GYS1: variants seen among roughly 807,000 people sequenced by gnomAD.
GYS1 encodes glycogen [starch] synthase, muscle.
Under a neutral mutation model 89.1 loss-of-function variants are expected in GYS1, and 60 were observed. The observed-to-expected ratio is 0.67, with a 90% confidence interval of 0.55 to 0.84. GYS1 has a LOEUF of 0.84. GYS1 is among the 40% of genes least tolerant of loss of function. The pLI is 0.00. For synonymous variants in GYS1, 366 were observed against 401.7 expected (o/e 0.91, Z 1.06); for missense variants, 888 against 1,003.1 (o/e 0.89, Z 1.55).
chr19:48,970,529 G>T lies in GYS1; in HGVS notation c.1809+17C>A. 1 of 1,611,764 alleles carries T rather than the reference G, an allele frequency of 6.2e-7. No homozygotes were observed. Among genetic ancestry groups the T allele is most frequent in the South Asian group, 1.1e-5 (1 of 90,970 alleles). ...CTGCTGATTTGCCAGGAGAGGATAG[G>T]AAAGTGGGGGTCCTACCCGGCCTAG... is the stretch of plus-strand genomic sequence containing the variant. On this transcript the variant is annotated intron_variant, in intron 14 of 15. Transcript: ENST00000323798.
chr19:48,990,125 C>T (rs1377261419), intron 2 of GYS1, among the ~76,000 whole-genome samples: 2 of 152,100 alleles, frequency 1.3e-5, no homozygotes, highest in African/African-American at 4.8e-5. Flanking sequence ...GACCCCACCC[C>T]AAACCAGAGG....
At chr19:48,970,338 C>T (rs2038542383) in intron 14 of GYS1, 2 of 578,438 alleles carry the variant, frequency 3.5e-6, no homozygotes, top group African/African-American at 1.9e-5. Context: ...AGGCTGGTCT[C>T]TTAACTCCTG....
intron 10 of GYS1, among the ~76,000 whole-genome samples, chr19:48,976,098 T>G (rs2122483557): frequency 6.6e-6 from 1 of 152,074 alleles, no homozygotes; most frequent in African/African-American, 2.4e-5. Context: ...TTAAAGATTT[T>G]ACTTACCACC....
At chr19:48,990,516 T>C (rs1259854675) in intron 2 of GYS1, among the ~76,000 whole-genome samples, 1 of 152,148 alleles carries the variant, frequency 6.6e-6, no homozygotes, top group Non-Finnish European at 1.5e-5. Flanking sequence ...CCTGTCCCCC[T>C]CACTCTCCAA....
intron 12 of GYS1, among the ~76,000 whole-genome samples, chr19:48,973,710 G>T (rs1169270065): frequency 6.6e-6 from 1 of 151,844 alleles, no homozygotes; most frequent in African/African-American, 2.4e-5. Context: ...GTAGAGACAG[G>T]GTTTCACTAT....
rs756998086 is a variant in GYS1, at chr19:48,981,622, C to T, written c.1077G>A (p.Glu359=). The T allele has an allele frequency of 1.2e-5, 19 of 1,610,488 alleles. No individual in the cohort carries two copies. In the Admixed American group the frequency reaches 2.2e-4, roughly 18 times the overall value. ...LNYLLRVNGS[E]QTVVAFFIMP... is the part of the protein sequence containing the mutation. ...TGATGAAGAAGGCAACCACTGTCTG[C>T]TCGCTGCCGTTCACCTGCGCAGAAA... The change falls in exon 8 of 16, where the codon GAG becomes GAA. Residue 359 remains glutamate (E), a synonymous_variant. Coordinates refer to ENST00000323798, the MANE Select transcript of GYS1 (RefSeq NM_002103.5).
Position 48,974,195 on chromosome 19 carries a change from C to T in GYS1, c.1549+18G>A. The T allele has an allele frequency of 6.3e-7, 1 of 1,585,238 alleles. No individual in the cohort carries two copies. The highest frequency in any genetic ancestry group is 8.6e-7 in the Non-Finnish European group (1 of 1,165,024). On this transcript the variant is annotated intron_variant, in intron 12 of 15. Transcript: ENST00000323798. ...CTAGGATGCCATGACCACGCTGTCCCCTGCCCACTACACTCACCCGGTGTG... is the reference window on the plus strand; with the variant it reads ...CTAGGATGCCATGACCACGCTGTCCTCTGCCCACTACACTCACCCGGTGTG...
At chr19:48,987,019 A>G (rs2038852366) in intron 3 of GYS1, among the ~76,000 whole-genome samples, 175 bp downstream of exon 3, 1 of 152,224 alleles carries the variant, frequency 6.6e-6, no homozygotes, top group African/African-American at 2.4e-5. Flanking sequence ...TGAAGTTGGC[A>G]TCGAGAGTAG....
chr19:48,984,029 G>A (rs935840755), intron 5 of GYS1, among the ~76,000 whole-genome samples: 8 of 152,120 alleles, frequency 5.3e-5, no homozygotes, highest in Admixed American at 2.6e-4. Flanking sequence ...ACAGAGTTTC[G>A]CTCTTGTTGC....
At chr19:48,972,402 G>T (rs1028863552) in intron 12 of GYS1, among the ~76,000 whole-genome samples, 2 of 151,266 alleles carry the variant, frequency 1.3e-5, no homozygotes, top group African/African-American at 4.9e-5. Flanking sequence ...TTGAACTCCT[G>T]AGCTCAAGCT....
At chr19:48,989,714 C>T (rs374696087) in intron 2 of GYS1, among the ~76,000 whole-genome samples, 6 of 152,218 alleles carry the variant, frequency 3.9e-5, no homozygotes, top group African/African-American at 1.4e-4. Context: ...CATGAGCCAC[C>T]GCCCTCGGCC....
chr19:48,991,427 C>A lies in GYS1; in HGVS notation c.175G>T (p.Gly59Cys). Residue 59 changes from glycine to cysteine, a missense_variant, in exon 2 of 16, where the codon GGC becomes TGC. Gly to Cys is a radical substitution (Grantham distance 159). Transcript: ENST00000323798. This position sits in a 1 kb window ranked among gnomAD's most constrained non-coding sequence, Gnocchi z 4.7. Reference protein sequence around the residue: ...TKAKVTGDEWGDNYFLVGPYT... With the variant: ...TKAKVTGDEWCDNYFLVGPYT... ...GGCCCCACCAGGAAGTAGTTGTCGC[C>A]CCATTCGTCCCCTGTCACCTTCGCC... The A allele has an allele frequency of 6.2e-7, 1 of 1,614,184 alleles. No individual in the cohort carries two copies. Among genetic ancestry groups the A allele is most frequent in the African/African-American group, 1.3e-5 (1 of 75,058 alleles).
At chr19:48,986,164 C>G in intron 3 of GYS1, 129 bp from the exon 4 acceptor site, 1 of 822,798 alleles carries the variant, frequency 1.2e-6, no homozygotes, top group Non-Finnish European at 2.0e-6. Flanking sequence ...GGCAGCGGCC[C>G]ACTGCAGCAA....
At chr19:48,974,470 A>G in intron 11 of GYS1, 131 bp from the exon 12 acceptor site, 1 of 1,174,244 alleles carries the variant, frequency 8.5e-7, no homozygotes, top group Non-Finnish European at 1.3e-6. Flanking sequence ...CCAATGTTCA[A>G]ACCCAGGTCT....
chr19:48,970,291 A>ATT, intron 14 of GYS1: 1 of 491,550 alleles, frequency 2.0e-6, no homozygotes, highest in Non-Finnish European at 3.7e-6. Context: ...CGCTCGGCTG[A>ATT]TTTTTTTTTA....
At chr19:48,969,665 C>T (rs1387948148) in intron 15 of GYS1, 54 bp from the exon 16 acceptor site, 1 of 1,574,684 alleles carries the variant, frequency 6.4e-7, no homozygotes, top group Non-Finnish European at 8.6e-7. Flanking sequence ...CTCACAGTCC[C>T]ACCCAGGCAT....
chr19:48,970,148 G>A (rs533734199), intron 14 of GYS1: 867 of 500,546 alleles, frequency 1.7e-3, no homozygotes, highest in Non-Finnish European at 2.7e-3. Flanking sequence ...TTTTAAACAC[G>A]GTCTTGTTCT....
chr19:48,990,620 C>T (rs548376358), intron 2 of GYS1, among the ~76,000 whole-genome samples: 1 of 152,300 alleles, frequency 6.6e-6, no homozygotes, highest in African/African-American at 2.4e-5. Context: ...CTCTACTAAC[C>T]ACTTTGTCCT....
intron 3 of GYS1, among the ~76,000 whole-genome samples, chr19:48,986,864 C>T (rs1261393744): frequency 6.6e-6 from 1 of 152,188 alleles, no homozygotes; most frequent in Non-Finnish European, 1.5e-5. Context: ...GCTGGGGATT[C>T]ATGAGCATCC....
Sources: allele counts gnomAD v4.1 joint callset (sites outside exome capture counted in the v4.1 genomes callset), GRCh38; gene constraint gnomAD v4.1.1; non-coding constraint Gnocchi (gnomAD v3.1); transcripts MANE v1.5; gene names NCBI Gene and HGNC (gene_info 2026-07-23, HGNC 2026-07-21).